SMAD2: variants seen among roughly 807,000 people sequenced by gnomAD.
SMAD2 encodes the protein MAD homolog 2.
SMAD2 carries 8 observed loss-of-function variants against 64.4 expected under a neutral mutation model. The observed-to-expected ratio is 0.12, with a 90% CI of 0.07 to 0.22. The LOEUF (loss-of-function observed/expected upper bound fraction) is 0.22, where lower values mean the gene tolerates loss of function less well. Ranked by LOEUF, SMAD2 falls within the 10% of genes least tolerant of loss-of-function variation. The pLI is 1.00. For missense variants in SMAD2, 289 were observed against 561.2 expected (o/e 0.51, Z 4.90); for synonymous variants, 203 against 195.8 (o/e 1.04, Z -0.31).
intron 1 of SMAD2, among the ~76,000 whole-genome samples, chr18:47,921,434 C>A (rs2034556145): frequency 1.3e-5 from 2 of 152,196 alleles, no homozygotes; most frequent in South Asian, 4.1e-4. Flanking sequence ...CTGGGTATCC[C>A]TGAATTTTGG....
intron 7 of SMAD2, among the ~76,000 whole-genome samples, chr18:47,850,993 T>C (rs2030004577): frequency 6.8e-6 from 1 of 146,570 alleles, no homozygotes; most frequent in Admixed American, 7.2e-5. Context: ...CATAAAAATC[T>C]AGCCATAACA....
rs1913139455 is a variant in SMAD2 at position 47,833,734 on chromosome 18, C to T, written c.*8093G>A. The T allele has an allele frequency of 4.3e-6, 1 of 230,954 alleles. No individual in the cohort carries two copies. Among genetic ancestry groups the T allele is most frequent in the African/African-American group, 2.2e-5 (1 of 45,218 alleles). 14.3% of individuals were successfully genotyped at this position (230,954 alleles called of 1,614,324 possible). On this transcript the variant is annotated 3_prime_UTR_variant, in exon 11 of 11. Coordinates refer to ENST00000262160, the MANE Select transcript of SMAD2 (RefSeq NM_005901.6). ...GATGCATTTAATCATTTTAACACAACATTCACGGAAAAATGTTAACAACAC... is the reference window on the plus strand; with the variant it reads ...GATGCATTTAATCATTTTAACACAATATTCACGGAAAAATGTTAACAACAC...
At chr18:47,850,295 AAT>A (rs1194354955) in intron 7 of SMAD2, among the ~76,000 whole-genome samples, 17 of 45,070 alleles carry the variant, frequency 3.8e-4, no homozygotes, top group African/African-American at 1.6e-3. Flanking sequence ...TATTATGTAT[AAT>A]ATATATTATG....
At chr18:47,922,820 CTA>C (rs1240924424) in intron 1 of SMAD2, among the ~76,000 whole-genome samples, 1 of 152,198 alleles carries the variant, frequency 6.6e-6, no homozygotes, top group African/African-American at 2.4e-5. Context: ...CTCACTACAA[CTA>C]TGTTCTCTCC....
At chr18:47,850,202 A>AT (rs1414513509) in intron 7 of SMAD2, among the ~76,000 whole-genome samples, 2 of 92,870 alleles carry the variant, frequency 2.2e-5, no homozygotes, top group African/African-American at 8.7e-5. Context: ...TATAGTATAT[A>AT]TATATTATTA....
chr18:47,857,111 C>T (rs969600655), intron 6 of SMAD2, among the ~76,000 whole-genome samples: 1 of 152,100 alleles, frequency 6.6e-6, no homozygotes, highest in African/African-American at 2.4e-5. Context: ...CCCGCCTCGG[C>T]CTCCCAAAGT....
At position 47,824,032 on chromosome 18, in the gene SMAD2, C is replaced by CCCTTTTA. The variant is rs1200441400; in HGVS notation, c.*17794_*17795insTAAAAGG. The CCCTTTTA allele has an allele frequency of 6.6e-6, 1 of 152,242 alleles. No individual in the cohort carries two copies. The highest frequency in any genetic ancestry group is 1.5e-5 in the Non-Finnish European group (1 of 68,050). 9.4% of individuals were successfully genotyped at this position (152,242 alleles called of 1,614,324 possible). On this transcript the variant is annotated 3_prime_UTR_variant, in exon 11 of 11. Transcript: ENST00000262160. ...TCAAAGGTGGCTAAAAGGGTTTTAACACTGACTTTTAGTTGCCAATCACTC... is the reference window on the plus strand; with the variant it reads ...TCAAAGGTGGCTAAAAGGGTTTTAACCCTTTTAACTGACTTTTAGTTGCCAATCACTC...
rs1912772881 is a variant in SMAD2, at chr18:47,826,832, G to T, written c.*14995C>A. The T allele has an allele frequency of 6.6e-6, 1 of 152,166 alleles. No individual in the cohort carries two copies. 9.4% of individuals were successfully genotyped at this position (152,166 alleles called of 1,614,324 possible). Reference sequence around the variant, plus strand: ...AGAGTAACCTTTGCCTGGTATTCTAGACTGTGCAGATTTAGCCATCTAATA... The same window carrying T: ...AGAGTAACCTTTGCCTGGTATTCTATACTGTGCAGATTTAGCCATCTAATA... On this transcript the variant is annotated 3_prime_UTR_variant, in exon 11 of 11. Transcript: ENST00000262160.
At chr18:47,896,848 T>C (rs1200418054) in intron 1 of SMAD2, 39 bp from the exon 2 acceptor site, 19 of 1,518,622 alleles carry the variant, frequency 1.3e-5, no homozygotes, top group Admixed American at 3.9e-5. Flanking sequence ...GAGACTACCT[T>C]GAACATCAAG....
At chr18:47,863,545 C>T (rs2031342160) in intron 6 of SMAD2, among the ~76,000 whole-genome samples, 1 of 151,776 alleles carries the variant, frequency 6.6e-6, no homozygotes, top group Admixed American at 6.6e-5. Context: ...AATTAGAATC[C>T]CTGCAGCCTT....
intron 6 of SMAD2, among the ~76,000 whole-genome samples, chr18:47,854,802 A>G (rs1374147522): frequency 2.0e-5 from 3 of 152,138 alleles, no homozygotes; most frequent in African/African-American, 2.4e-5. Flanking sequence ...CAAATTCCCT[A>G]TAACATCCGC....
chr18:47,860,151 A>C (rs536155624), intron 6 of SMAD2, among the ~76,000 whole-genome samples: 1 of 152,036 alleles, frequency 6.6e-6, no homozygotes, highest in South Asian at 2.1e-4. Context: ...CAATCCTATG[A>C]CTTAAATGAA....
In SMAD2 at chr18:47,840,399, G is replaced by A. The variant is rs1243272700; in HGVS notation, c.*1428C>T. 1 of 232,748 alleles carries A rather than the reference G, an allele frequency of 4.3e-6. No homozygotes were observed. Among genetic ancestry groups the A allele is most frequent in the Non-Finnish European group, 8.5e-6 (1 of 117,824 alleles). The allele number at this position is 232,748 out of a possible 1,614,324, so 14.4% of individuals were successfully genotyped here. A position where few individuals can be genotyped will look rare whatever the true frequency, so the allele number is the denominator to read the frequency against. The stretch of plus-strand genomic sequence containing the variant: ...TTTGCTGCAGAATGAACTAGCAACA[G>A]AGTTTCGGAAATCTCCTCTCACTAC... On this transcript the variant is annotated 3_prime_UTR_variant, in exon 11 of 11. Coordinates refer to ENST00000262160, the MANE Select transcript of SMAD2 (RefSeq NM_005901.6).
chr18:47,847,465 C>G (rs1453511173), intron 8 of SMAD2, among the ~76,000 whole-genome samples: 1 of 151,960 alleles, frequency 6.6e-6, no homozygotes, highest in Non-Finnish European at 1.5e-5. Flanking sequence ...CACTTTTTCA[C>G]TTCATCGTTA....
At chr18:47,904,227 C>G (rs936900384) in intron 1 of SMAD2, among the ~76,000 whole-genome samples, 2 of 149,090 alleles carry the variant, frequency 1.3e-5, no homozygotes, top group Admixed American at 1.4e-4. Flanking sequence ...GAGCTCCTTC[C>G]TCCCATTTGG....
Position 47,824,776 on chromosome 18 carries a change from A to G in SMAD2, c.*17051T>C, listed in dbSNP as rs1598724192. The G allele has an allele frequency of 6.6e-6, 1 of 152,232 alleles. No homozygotes were observed. The highest frequency in any genetic ancestry group is 1.5e-5 in the Non-Finnish European group (1 of 68,042). 9.4% of individuals were successfully genotyped at this position (152,232 alleles called of 1,614,324 possible). A position where few individuals can be genotyped will look rare whatever the true frequency, so the allele number is the denominator to read the frequency against. On this transcript the variant is annotated 3_prime_UTR_variant, in exon 11 of 11. Transcript: ENST00000262160. ...AAGTATGTCGAACATTTTTAATTTC[A>G]AACACCAAACTTAAATAGACTAATA...
chr18:47,871,354 T>C (rs757656553), intron 2 of SMAD2, among the ~76,000 whole-genome samples: 27 of 152,226 alleles, frequency 1.8e-4, no homozygotes, highest in Admixed American at 3.3e-4. Flanking sequence ...AAAACTTCAA[T>C]GCGGATAAAG....
intron 3 of SMAD2, among the ~76,000 whole-genome samples, chr18:47,869,769 C>T (rs906635676): frequency 1.3e-5 from 2 of 152,122 alleles, no homozygotes; most frequent in African/African-American, 4.8e-5. Flanking sequence ...TTTAGTAAAT[C>T]AAACTCATTT....
At position 47,836,866 on chromosome 18, in the gene SMAD2, G is replaced by C. The variant is rs977220852; in HGVS notation, c.*4961C>G. 4.7e-6 allele frequency: 1 copy of C among 211,088 alleles called. No individual in the cohort carries two copies. The highest frequency in any genetic ancestry group is 9.6e-6 in the Non-Finnish European group (1 of 104,338). 13.1% of individuals were successfully genotyped at this position (211,088 alleles called of 1,614,324 possible). ...TAATTTGCCCCTCAATCCCTACAAA[G>C]TGTAGTCTAAACAAACAAAATGGTA... On this transcript the variant is annotated 3_prime_UTR_variant, in exon 11 of 11. Coordinates refer to ENST00000262160, the MANE Select transcript of SMAD2 (RefSeq NM_005901.6).
Sources: allele counts gnomAD v4.1 joint callset (sites outside exome capture counted in the v4.1 genomes callset), GRCh38; gene constraint gnomAD v4.1.1; transcripts MANE v1.5; gene names NCBI Gene and HGNC (gene_info 2026-07-23, HGNC 2026-07-21).